Variants in TMEM230 observed in about 807,000 individuals in gnomAD.
TMEM230 encodes the protein UPF0414 transmembrane protein C20orf30.
TMEM230 carries 10 observed loss-of-function variants against 15.8 expected under a neutral mutation model. The ratio of observed to expected loss-of-function variants is 0.63; its 90% CI spans 0.39 to 1.07. The LOEUF is 1.07. Ranked by LOEUF, TMEM230 falls within the 50% of genes least tolerant of loss-of-function variation. The pLI, the probability that TMEM230 is intolerant of heterozygous loss-of-function variation, is 0.01. For missense variants in TMEM230, 165 were observed against 193.3 expected (o/e 0.85, Z 0.87); for synonymous variants, 67 against 76.9 (o/e 0.87, Z 0.68).
At chr20:5,067,409 TCATATA>T (rs1420672168), downstream of TMEM230, 80 of 73,800 alleles carry the variant, frequency 1.1e-3, 1 homozygote, top group African/African-American at 3.4e-3. Flanking sequence ...GTGTTTAGGC[TCATATA>T]TATATATATA....
At chr20:5,081,635 C>G (rs2122596267) in intron 3 of TMEM230, among the ~76,000 whole-genome samples, 1 of 152,258 alleles carries the variant, frequency 6.6e-6, no homozygotes, top group African/African-American at 2.4e-5. Flanking sequence ...GAACAGGGAA[C>G]AAAACCACAG....
chr20:5,092,688 C>CTG (rs2089545701), intron 3 of TMEM230, among the ~76,000 whole-genome samples: 1 of 146,520 alleles, frequency 6.8e-6, no homozygotes, highest in Non-Finnish European at 1.5e-5. Context: ...GTACTCCAGC[C>CTG]TGGGCAACAA....
At chr20:5,071,982 C>T (rs2088843176) in intron 3 of TMEM230, among the ~76,000 whole-genome samples, 2 of 152,102 alleles carry the variant, frequency 1.3e-5, no homozygotes, top group Admixed American at 6.6e-5. Context: ...AATGCCTGGC[C>T]TCAAGTGATC....
downstream of TMEM230, among the ~76,000 whole-genome samples, chr20:5,063,277 A>ATTTTTTT (rs1165126313): frequency 2.5e-3 from 217 of 86,410 alleles, 21 homozygotes; most frequent in African/African-American, 4.1e-3. Flanking sequence ...GCTGCTATGA[A>ATTTTTTT]TTTTTTTTTT....
At chr20:5,064,758 G>C (rs2088636121), downstream of TMEM230, among the ~76,000 whole-genome samples, 1 of 151,666 alleles carries the variant, frequency 6.6e-6, no homozygotes, top group African/African-American at 2.4e-5. Flanking sequence ...ATTCAATGAA[G>C]GAAAAATAAT....
the TMEM230 span, among the ~76,000 whole-genome samples, chr20:5,063,215 G>T: frequency 6.6e-6 from 1 of 151,578 alleles, no homozygotes; most frequent in Non-Finnish European, 1.5e-5. Flanking sequence ...AAAGTCTCCA[G>T]GGGAGGACTG....
chr20:5,108,088 G>A (rs973098731), intron 3 of TMEM230, among the ~76,000 whole-genome samples: 9 of 152,098 alleles, frequency 5.9e-5, no homozygotes, highest in Admixed American at 4.6e-4. Flanking sequence ...AGTCCAGCCT[G>A]GGCAACAGAG....
At chr20:5,107,062 G>C (rs934399700) in intron 3 of TMEM230, among the ~76,000 whole-genome samples, 2 of 152,316 alleles carry the variant, frequency 1.3e-5, no homozygotes, top group South Asian at 4.1e-4. Context: ...AGCAATGTGG[G>C]AGGCTGAGGC....
At chr20:5,084,183 A>G (rs2089263549) in intron 3 of TMEM230, among the ~76,000 whole-genome samples, 1 of 151,860 alleles carries the variant, frequency 6.6e-6, no homozygotes, top group Non-Finnish European at 1.5e-5. Context: ...GTTGCAAAGA[A>G]CACGATCTTA....
intron 3 of TMEM230, among the ~76,000 whole-genome samples, chr20:5,088,604 C>T (rs1009471848): frequency 2.6e-5 from 4 of 152,084 alleles, no homozygotes; most frequent in Non-Finnish European, 5.9e-5. Context: ...TCTCCACCTC[C>T]TGGGCTCAAG....
intron 3 of TMEM230, among the ~76,000 whole-genome samples, chr20:5,107,878 G>A (rs948095252): frequency 4.6e-5 from 7 of 151,236 alleles, no homozygotes; most frequent in East Asian, 1.9e-4. Context: ...TTGGGAGGCC[G>A]AAGTGGGTGA....
intron 3 of TMEM230, among the ~76,000 whole-genome samples, chr20:5,094,446 C>T (rs998559106): frequency 4.0e-5 from 6 of 151,462 alleles, no homozygotes; most frequent in African/African-American, 7.3e-5. Flanking sequence ...TGGTGGCTCA[C>T]GCCTGTAATC....
chr20:5,083,347 A>T (rs1251841580), intron 3 of TMEM230, among the ~76,000 whole-genome samples: 1 of 148,958 alleles, frequency 6.7e-6, no homozygotes, highest in Non-Finnish European at 1.5e-5. Flanking sequence ...AGAAAGAAAA[A>T]CAGTTCTCTC....
At chr20:5,087,399 T>C (rs2089373094) in intron 3 of TMEM230, among the ~76,000 whole-genome samples, 1 of 151,882 alleles carries the variant, frequency 6.6e-6, no homozygotes, top group African/African-American at 2.4e-5. Context: ...CTTTGTACAC[T>C]CCAGGTGCTT....
At chr20:5,061,293 G>A in the TMEM230 span, 1 of 152,108 alleles carries the variant, frequency 6.6e-6, no homozygotes, top group African/African-American at 2.4e-5. Flanking sequence ...AACACTCTTT[G>A]CCACTGAGTG....
At chr20:5,073,103 G>T (rs967929642) in intron 3 of TMEM230, among the ~76,000 whole-genome samples, 4 of 152,156 alleles carry the variant, frequency 2.6e-5, no homozygotes, top group Admixed American at 6.6e-5. Flanking sequence ...TCCAGTCTCA[G>T]TCTTGTCCCT....
intron 3 of TMEM230, among the ~76,000 whole-genome samples, chr20:5,071,643 A>AG (rs889777461): frequency 6.7e-6 from 1 of 149,818 alleles, no homozygotes; most frequent in African/African-American, 2.5e-5. Context: ...AAAAAACAAA[A>AG]AGGGTACATA....
chr20:5,084,466 C>G (rs1446819909), intron 3 of TMEM230, among the ~76,000 whole-genome samples: 1 of 151,806 alleles, frequency 6.6e-6, no homozygotes, highest in Non-Finnish European at 1.5e-5. Context: ...TCGTGATCCA[C>G]CCACCTCAGC....
intron 3 of TMEM230, among the ~76,000 whole-genome samples, chr20:5,073,512 G>A (rs1439809640): frequency 6.6e-6 from 1 of 152,222 alleles, no homozygotes. Flanking sequence ...GCCAGGGCCT[G>A]GCTGAGGCCT....
Sources: gnomAD v4.1 joint callset for allele counts (sites outside exome capture counted in the v4.1 genomes callset) on GRCh38, gnomAD v4.1.1 for gene constraint, MANE v1.5 for transcripts, NCBI Gene and HGNC (gene_info 2026-07-23, HGNC 2026-07-21) for gene names.